The following DENND1B variants were observed in gnomAD, a reference collection of about 807,000 sequenced individuals.
DENND1B encodes the protein DENN domain-containing protein 1B.
Under a neutral mutation model 90.1 loss-of-function variants are expected in DENND1B, and 59 were observed. That is an observed-to-expected ratio of 0.65 (90% confidence interval 0.53 to 0.81). The LOEUF (loss-of-function observed/expected upper bound fraction) is 0.81, where lower values mean the gene tolerates loss of function less well. Among genes scored for constraint, DENND1B ranks in the 40% least tolerant of loss-of-function variants. The probability of loss-of-function intolerance (pLI) is 0.00; values close to 1 mark genes in which losing one functional copy is unlikely to be tolerated. For missense variants in DENND1B, 862 were observed against 912.6 expected, an observed-to-expected ratio of 0.94 and a Z score of 0.71; for synonymous variants, 337 against 324.6, an observed-to-expected ratio of 1.04 and a Z score of -0.41.
At chr1:197,536,865 G>A (rs983468391) in intron 20 of DENND1B, among the ~76,000 whole-genome samples, 3 of 151,822 alleles carry the variant, frequency 2.0e-5, no homozygotes, top group Non-Finnish European at 4.4e-5. Context: ...CATAAACCCC[G>A]TCTCTACTAA....
At chr1:197,707,663 TATATA>T (rs1306769523) in intron 3 of DENND1B, among the ~76,000 whole-genome samples, 2 of 146,452 alleles carry the variant, frequency 1.4e-5, no homozygotes, top group South Asian at 2.1e-4. Context: ...ATTATATACA[TATATA>T]ATATAATAAT....
chr1:197,520,277 G>T (rs978176919), intron 20 of DENND1B, among the ~76,000 whole-genome samples: 3 of 151,826 alleles, frequency 2.0e-5, no homozygotes, highest in Non-Finnish European at 2.9e-5. Flanking sequence ...TGAAAAAGAT[G>T]TTCCCTTTTC....
intron 2 of DENND1B, among the ~76,000 whole-genome samples, chr1:197,760,641 CAAAAA>C (rs1265014598): frequency 1.4e-5 from 1 of 72,236 alleles, no homozygotes; most frequent in Non-Finnish European, 2.9e-5. Flanking sequence ...GACCTTGTCT[CAAAAA>C]AAAAAAAAAA....
chr1:197,519,071 G>T (rs908769276), intron 20 of DENND1B, among the ~76,000 whole-genome samples: 3 of 151,832 alleles, frequency 2.0e-5, no homozygotes, highest in Admixed American at 6.6e-5. Flanking sequence ...AGTAAATTTT[G>T]TCCAGTGAAG....
Position 197,677,731 on chromosome 1 carries a change from G to C in DENND1B, c.127-3562C>G, listed in dbSNP as rs577775383. ...GAATACCACCAATAATTAAGGACTA[G>C]GAGTAACTACATCAGTTAAGGGTGC... On this transcript the variant is annotated intron_variant, in intron 3 of 22. Coordinates refer to ENST00000620048, the MANE Select transcript of DENND1B (RefSeq NM_001195215.2). Among the ~76,000 whole-genome samples, 15 of 152,236 alleles carry C rather than the reference G, an allele frequency of 9.9e-5. No homozygotes were observed. The East Asian group carries it at 2.9e-3, about 29-fold the overall frequency.
rs1204392456 is a variant in DENND1B at position 197,505,267 on chromosome 1, G to A, written c.*5193C>T. On this transcript the variant is annotated 3_prime_UTR_variant, in exon 23 of 23. Coordinates refer to ENST00000620048, the MANE Select transcript of DENND1B (RefSeq NM_001195215.2). ...ATGGAAGTTACACTGTCAGAAGGATGGTGACTTGACATGTGATGCACTAAA... is the reference window on the plus strand; with the variant it reads ...ATGGAAGTTACACTGTCAGAAGGATAGTGACTTGACATGTGATGCACTAAA... 2 of 151,600 alleles carry A rather than the reference G, an allele frequency of 1.3e-5. No homozygotes were observed. The highest frequency in any genetic ancestry group is 3.0e-5 in the Non-Finnish European group (2 of 67,756). The allele number at this position is 151,600 out of a possible 1,614,324, so 9.4% of individuals were successfully genotyped here. A position where few individuals can be genotyped will look rare whatever the true frequency, so the allele number is the denominator to read the frequency against.
At chr1:197,740,321 G>A (rs983268206) in intron 2 of DENND1B, among the ~76,000 whole-genome samples, 6 of 152,108 alleles carry the variant, frequency 3.9e-5, no homozygotes, top group African/African-American at 1.4e-4. Context: ...GAAAGGATGA[G>A]GTTAGAAATG....
At chr1:197,700,811 T>C (rs1297372766) in intron 3 of DENND1B, among the ~76,000 whole-genome samples, 3 of 152,118 alleles carry the variant, frequency 2.0e-5, no homozygotes, top group African/African-American at 7.2e-5. Context: ...AGAAGACATT[T>C]ATGCAGCCAA....
At chr1:197,573,713 G>A (rs1382822970) in intron 15 of DENND1B, among the ~76,000 whole-genome samples, 1 of 152,118 alleles carries the variant, frequency 6.6e-6, no homozygotes, top group East Asian at 1.9e-4. Context: ...TAAAATACTG[G>A]CAAACTGAAT....
intron 15 of DENND1B, 57 bp downstream of exon 15, chr1:197,583,095 A>G: frequency 6.9e-7 from 1 of 1,445,118 alleles, no homozygotes; most frequent in South Asian, 1.1e-5. Context: ...AGTAATACAA[A>G]TGTGTAAAAC....
chr1:197,522,062 C>T (rs1002097544), intron 20 of DENND1B, among the ~76,000 whole-genome samples: 5 of 151,906 alleles, frequency 3.3e-5, no homozygotes, highest in Admixed American at 3.3e-4. Context: ...CAAGAACTAG[C>T]CTGAGAAAGG....
intron 15 of DENND1B, among the ~76,000 whole-genome samples, chr1:197,575,603 A>G (rs1673599009): frequency 6.6e-6 from 1 of 152,224 alleles, no homozygotes; most frequent in Admixed American, 6.5e-5. Flanking sequence ...AAGGATTATA[A>G]ATTATGCTAC....
At chr1:197,565,611 G>A (rs1413881768) in intron 15 of DENND1B, among the ~76,000 whole-genome samples, 3 of 150,200 alleles carry the variant, frequency 2.0e-5, no homozygotes, top group Non-Finnish European at 4.4e-5. Context: ...TTAGCATTAG[G>A]TATATCTCCT....
At position 197,775,258 on chromosome 1, in the gene DENND1B, G is replaced by T. The variant is rs1657170912; in HGVS notation, c.-103C>A. 2 of 967,432 alleles carry T rather than the reference G, an allele frequency of 2.1e-6. No individual in the cohort carries two copies. Among genetic ancestry groups the T allele is most frequent in the Non-Finnish European group, 2.7e-6 (2 of 742,328 alleles). 59.9% of individuals were successfully genotyped at this position (967,432 alleles called of 1,614,324 possible). ...TCGCGCCGTCCCCGCCCACGCCGGC[G>T]GCCACACAGGGAAAGAGGCTGCTCA... On this transcript the variant is annotated 5_prime_UTR_variant, in exon 1 of 23. Coordinates refer to ENST00000620048, the MANE Select transcript of DENND1B (RefSeq NM_001195215.2).
intron 2 of DENND1B, among the ~76,000 whole-genome samples, chr1:197,750,028 G>A (rs980166519): frequency 6.6e-6 from 1 of 152,048 alleles, no homozygotes; most frequent in Non-Finnish European, 1.5e-5. Context: ...TTTATGGTTT[G>A]TTGAGATGAG....
intron 18 of DENND1B, among the ~76,000 whole-genome samples, chr1:197,543,216 G>A (rs1244382588): frequency 2.0e-5 from 3 of 152,148 alleles, no homozygotes; most frequent in East Asian, 1.9e-4. Flanking sequence ...TTACAGGTGT[G>A]AGCCACAGCA....
At chr1:197,639,082 T>C (rs1680049339) in intron 10 of DENND1B, among the ~76,000 whole-genome samples, 3 of 151,872 alleles carry the variant, frequency 2.0e-5, no homozygotes, top group African/African-American at 7.3e-5. Context: ...TTTTTTTTTT[T>C]TGACATAGTC....
At chr1:197,650,526 A>G (rs1189789337) in intron 7 of DENND1B, among the ~76,000 whole-genome samples, 1 of 152,214 alleles carries the variant, frequency 6.6e-6, no homozygotes, top group Non-Finnish European at 1.5e-5. Context: ...GTATCTATCA[A>G]GAGGAAAAAA....
chr1:197,636,783 G>A (rs1000372717), intron 10 of DENND1B, among the ~76,000 whole-genome samples: 11 of 152,144 alleles, frequency 7.2e-5, no homozygotes, highest in African/African-American at 2.4e-4. Context: ...ACAGTGGGCA[G>A]TTGAAGAACA....
Sources: allele counts gnomAD v4.1 joint callset (sites outside exome capture counted in the v4.1 genomes callset), GRCh38; gene constraint gnomAD v4.1.1; transcripts MANE v1.5; gene names NCBI Gene and HGNC (gene_info 2026-07-23, HGNC 2026-07-21).